The following SYT1 variants were observed in gnomAD, a reference collection of about 807,000 sequenced individuals.
SYT1 encodes the protein synaptotagmin-1.
In SYT1, 8 loss-of-function variants were observed where a neutral mutation model predicts 44.8. The observed-to-expected ratio is 0.18, with a 90% CI of 0.10 to 0.32. The LOEUF (loss-of-function observed/expected upper bound fraction) is 0.32, where lower values mean the gene tolerates loss of function less well. SYT1 is among the 10% of genes least tolerant of loss of function. The pLI is 1.00. For missense variants in SYT1, 286 were observed against 509.3 expected (o/e 0.56, Z 4.22); for synonymous variants, 154 against 188.8 (o/e 0.82, Z 1.51).
intron 3 of SYT1, among the ~76,000 whole-genome samples, chr12:79,074,256 T>C (rs889680034): frequency 1.1e-4 from 16 of 152,172 alleles, no homozygotes. Context: ...TCTATCACAC[T>C]GTATGCTGCC....
chr12:79,446,034 T>TATATATATATGTATATATATATATATA (rs1491131045), intron 10 of SYT1, among the ~76,000 whole-genome samples: 2 of 115,542 alleles, frequency 1.7e-5, no homozygotes, highest in African/African-American at 6.8e-5. Flanking sequence ...TATATATATA[T>TATATATATATGTATATATATATATATA]TATGCCTAGG....
intron 3 of SYT1, among the ~76,000 whole-genome samples, chr12:79,178,931 TATATAGATATAGATATAG>T (rs367925795): frequency 1.4e-4 from 7 of 51,734 alleles, no homozygotes; most frequent in South Asian, 7.5e-4. Context: ...TAGATATATC[TATATAGATATAGATATAG>T]ATATAGATAT....
At chr12:79,286,015 G>T in intron 5 of SYT1, 44 bp downstream of exon 5, 1 of 1,549,020 alleles carries the variant, frequency 6.5e-7, no homozygotes, top group Non-Finnish European at 8.7e-7. Context: ...GTTTAAAAAA[G>T]ATAAACAAAT....
At chr12:79,143,757 C>T (rs1869708839) in intron 3 of SYT1, among the ~76,000 whole-genome samples, 1 of 152,112 alleles carries the variant, frequency 6.6e-6, no homozygotes, top group South Asian at 2.1e-4. Context: ...TTGGAAAATG[C>T]TCCTCTACTT....
chr12:79,062,912 A>C (rs1357268381), intron 3 of SYT1, among the ~76,000 whole-genome samples: 1 of 152,156 alleles, frequency 6.6e-6, no homozygotes. Context: ...GGTATCATTA[A>C]ACCATTTACA....
chr12:79,283,745 C>T (rs940197115), intron 4 of SYT1, among the ~76,000 whole-genome samples: 8 of 151,818 alleles, frequency 5.3e-5, no homozygotes, highest in African/African-American at 1.7e-4. Flanking sequence ...TAATCTTTAC[C>T]TTGTTTAATA....
intron 3 of SYT1, among the ~76,000 whole-genome samples, chr12:79,111,622 A>G (rs2138092618): frequency 6.6e-6 from 1 of 152,118 alleles, no homozygotes; most frequent in Admixed American, 6.6e-5. Flanking sequence ...TTTGCAACGC[A>G]TTTTCTTATA....
At chr12:79,376,522 G>A (rs1054304599) in intron 9 of SYT1, among the ~76,000 whole-genome samples, 6 of 152,230 alleles carry the variant, frequency 3.9e-5, no homozygotes, top group African/African-American at 1.4e-4. Context: ...ACTGCAAACT[G>A]TTTTATCAGC....
intron 3 of SYT1, among the ~76,000 whole-genome samples, chr12:79,180,951 G>A (rs1352777521): frequency 1.3e-5 from 2 of 152,020 alleles, no homozygotes; most frequent in Non-Finnish European, 2.9e-5. Flanking sequence ...GATAGCGAGT[G>A]AGTTCTCTCG....
chr12:79,210,710 C>T (rs1268106704), intron 3 of SYT1, among the ~76,000 whole-genome samples: 1 of 152,172 alleles, frequency 6.6e-6, no homozygotes, highest in Non-Finnish European at 1.5e-5. Flanking sequence ...TATAAACATG[C>T]ATGTGCAAGT....
At chr12:79,075,573 A>G (rs1876584857) in intron 3 of SYT1, among the ~76,000 whole-genome samples, 1 of 152,182 alleles carries the variant, frequency 6.6e-6, no homozygotes. Context: ...TCTAGATCTA[A>G]CATTTAGACT....
At chr12:79,366,098 G>A (rs914004592) in intron 9 of SYT1, among the ~76,000 whole-genome samples, 3 of 150,418 alleles carry the variant, frequency 2.0e-5, no homozygotes, top group African/African-American at 5.0e-5. Flanking sequence ...TTGCCAATTC[G>A]TGTATCTAGA....
At chr12:79,045,552 T>G (rs1181866096) in intron 2 of SYT1, 1 of 155,808 alleles carries the variant, frequency 6.4e-6, no homozygotes, top group Non-Finnish European at 1.4e-5. Flanking sequence ...ACCCGGTACC[T>G]CAGATGGAAA....
At chr12:79,387,366 G>A (rs1884477037) in intron 9 of SYT1, among the ~76,000 whole-genome samples, 1 of 152,128 alleles carries the variant, frequency 6.6e-6, no homozygotes, top group African/African-American at 2.4e-5. Context: ...AATGCAGAGG[G>A]CATTACACTT....
At chr12:79,275,034 C>G (rs147736106) in intron 4 of SYT1, among the ~76,000 whole-genome samples, 309 of 152,268 alleles carry the variant, frequency 2.0e-3, no homozygotes, top group Non-Finnish European at 3.2e-3. Flanking sequence ...GTGGCTAGAT[C>G]CAGAGGAGCA....
intron 8 of SYT1, among the ~76,000 whole-genome samples, chr12:79,336,760 G>C (rs1451524423): frequency 6.6e-6 from 1 of 152,180 alleles, no homozygotes; most frequent in Non-Finnish European, 1.5e-5. Flanking sequence ...CTCTGGAATA[G>C]CTGGGATGAC....
At chr12:79,114,195 G>A (rs1381674764) in intron 3 of SYT1, among the ~76,000 whole-genome samples, 1 of 152,190 alleles carries the variant, frequency 6.6e-6, no homozygotes, top group Non-Finnish European at 1.5e-5. Flanking sequence ...AGGTAAGAGG[G>A]AAGGAAGAGT....
At chr12:79,127,631 A>T (rs1868522196) in intron 3 of SYT1, among the ~76,000 whole-genome samples, 1 of 152,096 alleles carries the variant, frequency 6.6e-6, no homozygotes, top group Admixed American at 6.5e-5. Context: ...GTGAACATGA[A>T]AATGACTATC....
At position 79,450,495 on chromosome 12, in the gene SYT1, G is replaced by A. The variant is rs547774884; in HGVS notation, c.*1371G>A. The A allele has an allele frequency of 3.9e-5, 6 of 152,528 alleles. 1 individual carries two copies. Among genetic ancestry groups the A allele is most frequent in the Middle Eastern group, 6.8e-3 (2 of 294 alleles). The allele number at this position is 152,528 out of a possible 1,614,324, so 9.4% of individuals were successfully genotyped here. A position where few individuals can be genotyped will look rare whatever the true frequency, so the allele number is the denominator to read the frequency against. The stretch of plus-strand genomic sequence containing the variant: ...CTTGATTTAGGAGGAGTTTTTAAAC[G>A]TTTTCAATGTTATTATGTAGTAAAT... On this transcript the variant is annotated 3_prime_UTR_variant, in exon 11 of 11. Transcript: ENST00000261205.
Sources: gnomAD v4.1 joint callset for allele counts (sites outside exome capture counted in the v4.1 genomes callset) on GRCh38, gnomAD v4.1.1 for gene constraint, MANE v1.5 for transcripts, NCBI Gene and HGNC (gene_info 2026-07-23, HGNC 2026-07-21) for gene names.